The following MYO3B variants were observed in gnomAD, a reference collection of about 807,000 sequenced individuals.
The protein encoded by MYO3B is myosin IIIB.
A neutral mutation model predicts 174.6 loss-of-function variants in MYO3B; 156 were observed. That is an observed-to-expected ratio of 0.89 (90% CI 0.78 to 1.02). The LOEUF (loss-of-function observed/expected upper bound fraction) is 1.02, where lower values mean the gene tolerates loss of function less well. Among genes scored for constraint, MYO3B ranks in the 50% least tolerant of loss-of-function variants. The probability of loss-of-function intolerance (pLI) is 0.00; values close to 1 mark genes in which losing one functional copy is unlikely to be tolerated. For synonymous variants in MYO3B, 563 were observed against 569.1 expected, an observed-to-expected ratio of 0.99 and a Z score of 0.15; for missense variants, 1,632 against 1,639.4, an observed-to-expected ratio of 1.00 and a Z score of 0.08.
intron 8 of MYO3B, among the ~76,000 whole-genome samples, chr2:170,337,274 G>C (rs1272349845): frequency 6.6e-6 from 1 of 152,056 alleles, no homozygotes; most frequent in African/African-American, 2.4e-5. Context: ...TGGGAGCTAA[G>C]GTTCCAATGA....
At chr2:170,431,399 A>G (rs1242758689) in intron 22 of MYO3B, among the ~76,000 whole-genome samples, 2 of 152,224 alleles carry the variant, frequency 1.3e-5, no homozygotes, top group African/African-American at 2.4e-5. Flanking sequence ...GGGATTCAGT[A>G]TAGTTGTTTG....
At chr2:170,528,446 G>A (rs191444508) in intron 30 of MYO3B, among the ~76,000 whole-genome samples, 1 of 152,130 alleles carries the variant, frequency 6.6e-6, no homozygotes, top group Non-Finnish European at 1.5e-5. Flanking sequence ...TCGCTCTATC[G>A]CCAGACCGGA....
chr2:170,459,892 G>A (rs562267621), intron 23 of MYO3B, among the ~76,000 whole-genome samples: 9 of 152,238 alleles, frequency 5.9e-5, no homozygotes, highest in African/African-American at 2.2e-4. Context: ...ACTGCCCGTG[G>A]CCAGCGGCAC....
chr2:170,355,583 C>T (rs907050495), intron 8 of MYO3B, among the ~76,000 whole-genome samples: 1 of 152,164 alleles, frequency 6.6e-6, no homozygotes, highest in Non-Finnish European at 1.5e-5. Flanking sequence ...TTGCCAACTC[C>T]CACTTGTGTG....
intron 6 of MYO3B, among the ~76,000 whole-genome samples, chr2:170,227,822 A>G (rs1285807878): frequency 6.6e-6 from 1 of 152,218 alleles, no homozygotes; most frequent in Non-Finnish European, 1.5e-5. Flanking sequence ...TTTTTCCTCA[A>G]TAGTTTCTGA....
chr2:170,407,712 C>T lies in MYO3B; in HGVS notation c.2521-3C>T, dbSNP rs747297769. The T allele has an allele frequency of 3.7e-6, 6 of 1,613,538 alleles. No homozygotes were observed. The highest frequency in any genetic ancestry group is 1.3e-5 in the African/African-American group (1 of 74,816). ...AATTTGCCGTTTGCTATTCATGTTA[C>T]AGGTATTATATGATGCTTCTGGGGT... On this transcript the variant is annotated splice_region_variant and splice_polypyrimidine_tract_variant and intron_variant, in intron 21 of 34. Coordinates refer to ENST00000408978, the MANE Select transcript of MYO3B (RefSeq NM_138995.5).
At chr2:170,572,375 C>G (rs1692494242) in intron 32 of MYO3B, among the ~76,000 whole-genome samples, 1 of 151,528 alleles carries the variant, frequency 6.6e-6, no homozygotes, top group African/African-American at 2.4e-5. Flanking sequence ...TTGCAGTGAG[C>G]TGAGATTGCG....
At chr2:170,612,972 T>C (rs11888378) in intron 32 of MYO3B, among the ~76,000 whole-genome samples, 16,023 of 152,164 alleles carry the variant, frequency 0.11, 2,780 homozygotes, top group African/African-American at 0.36. Context: ...TGGGGAGGCC[T>C]ACGCGGAGCA....
chr2:170,293,281 A>G (rs2093607806), intron 7 of MYO3B, among the ~76,000 whole-genome samples: 1 of 152,176 alleles, frequency 6.6e-6, no homozygotes, highest in Admixed American at 6.5e-5. Flanking sequence ...CTTTTTCCAT[A>G]AAAGTTTGGC....
At chr2:170,589,105 CA>C (rs1200370241) in intron 32 of MYO3B, among the ~76,000 whole-genome samples, 1 of 151,992 alleles carries the variant, frequency 6.6e-6, no homozygotes, top group Non-Finnish European at 1.5e-5. Context: ...AAGGAAACTA[CA>C]GGAGAAGATG....
Position 170,281,708 on chromosome 2 carries a change from C to T in MYO3B, c.749+45572C>T, listed in dbSNP as rs777317564. On this transcript the variant is annotated intron_variant, in intron 7 of 34. Coordinates refer to ENST00000408978, the MANE Select transcript of MYO3B (RefSeq NM_138995.5). ...ATTAGAGAAGCAAGAACAAGTCAAC[C>T]CCAAAGCTAGCAGAAGCTGAACTGA... is the stretch of plus-strand genomic sequence containing the variant. 5.0e-4 allele frequency among the ~76,000 whole-genome samples: 76 copies of T among 151,870 alleles called. 1 individual carries two copies. The highest frequency in any genetic ancestry group is 7.4e-5 in the Non-Finnish European group (5 of 67,930).
At chr2:170,557,755 C>T (rs188299245) in intron 32 of MYO3B, among the ~76,000 whole-genome samples, 6 of 152,218 alleles carry the variant, frequency 3.9e-5, no homozygotes, top group Admixed American at 2.6e-4. Flanking sequence ...GGAGCTCCAA[C>T]GGTGATATGT....
At chr2:170,329,903 T>C (rs549011267) in intron 7 of MYO3B, among the ~76,000 whole-genome samples, 9 of 152,206 alleles carry the variant, frequency 5.9e-5, no homozygotes, top group Non-Finnish European at 1.2e-4. Context: ...GAATGGCAGC[T>C]CTGTTGCTGT....
At chr2:170,646,502 C>G (rs1284015286) in intron 32 of MYO3B, among the ~76,000 whole-genome samples, 1 of 151,874 alleles carries the variant, frequency 6.6e-6, no homozygotes, top group Non-Finnish European at 1.5e-5. Context: ...TCAAGGGATC[C>G]TCCTTTCTCA....
At chr2:170,383,868 C>T in intron 12 of MYO3B, 54 bp downstream of exon 12, 5 of 1,411,588 alleles carry the variant, frequency 3.5e-6, no homozygotes, top group Non-Finnish European at 5.0e-6. Flanking sequence ...CATGTTGTGT[C>T]TTCCTCGTCA....
intron 8 of MYO3B, chr2:170,347,987 A>G (rs1360241631): frequency 6.6e-6 from 1 of 152,220 alleles, no homozygotes; most frequent in Non-Finnish European, 1.5e-5. Context: ...GAATCATACA[A>G]TAGGTGACTC....
chr2:170,603,952 C>T (rs6752013), intron 32 of MYO3B, among the ~76,000 whole-genome samples: 3,941 of 152,220 alleles, frequency 0.026, 154 homozygotes, highest in African/African-American at 0.087. Flanking sequence ...TGTTTAGATA[C>T]ACAATTTTTT....
intron 3 of MYO3B, among the ~76,000 whole-genome samples, chr2:170,212,632 A>G (rs2092784226): frequency 9.4e-6 from 1 of 106,614 alleles, no homozygotes; most frequent in South Asian, 3.1e-4. Context: ...TATTGGGAGA[A>G]AAGGAAAAAA....
At chr2:170,628,312 G>A (rs1355425333) in intron 32 of MYO3B, among the ~76,000 whole-genome samples, 1 of 152,344 alleles carries the variant, frequency 6.6e-6, no homozygotes, top group Non-Finnish European at 1.5e-5. Context: ...TGCTAGCAAT[G>A]AGCGAGGCTC....
Sources: gnomAD v4.1 joint callset for allele counts (sites outside exome capture counted in the v4.1 genomes callset) on GRCh38, gnomAD v4.1.1 for gene constraint, MANE v1.5 for transcripts, NCBI Gene and HGNC (gene_info 2026-07-23, HGNC 2026-07-21) for gene names.